The following PRKN variants were observed in gnomAD, a reference collection of about 807,000 sequenced individuals.
The protein encoded by PRKN is E3 ubiquitin-protein ligase parkin.
In PRKN, 56 loss-of-function variants were observed where a neutral mutation model predicts 59.5. The ratio of observed to expected loss-of-function variants is 0.94; its 90% CI spans 0.76 to 1.18. The LOEUF is 1.18. Ranked by LOEUF, PRKN falls within the 50% of genes most tolerant of loss-of-function variation. The pLI is 0.00. For missense variants in PRKN, 657 were observed against 596.4 expected (o/e 1.10, Z -1.06); for synonymous variants, 250 against 222.1 (o/e 1.13, Z -1.12).
intron 2 of PRKN, among the ~76,000 whole-genome samples, chr6:162,285,994 A>G (rs1781172147): frequency 6.6e-6 from 1 of 152,194 alleles, no homozygotes; most frequent in Non-Finnish European, 1.5e-5. Context: ...CTCACATCCT[A>G]TGGTTTCAAC....
chr6:162,304,828 T>C lies in PRKN; in HGVS notation c.172-42063A>G, dbSNP rs1000973372. Reference sequence around the variant, plus strand: ...CTCCACTCCAGCTGCTGCTGCCAGATGTGAGTGCCAGGGTAGTCAGATGTG... The same window carrying C: ...CTCCACTCCAGCTGCTGCTGCCAGACGTGAGTGCCAGGGTAGTCAGATGTG... On this transcript the variant is annotated intron_variant, in intron 2 of 11. Transcript: ENST00000366898. 2.0e-4 allele frequency among the ~76,000 whole-genome samples: 30 copies of C among 150,104 alleles called. 1 individual carries two copies. Among genetic ancestry groups the C allele is most frequent in the African/African-American group, 7.5e-4 (30 of 40,132 alleles).
intron 7 of PRKN, among the ~76,000 whole-genome samples, chr6:161,766,400 C>G (rs964170627): frequency 6.6e-6 from 1 of 151,558 alleles, no homozygotes; most frequent in African/African-American, 2.4e-5. Context: ...CTCCACCTCC[C>G]GGGTTCAAGT....
At chr6:161,485,829 A>G (rs1430599657) in intron 9 of PRKN, among the ~76,000 whole-genome samples, 1 of 151,868 alleles carries the variant, frequency 6.6e-6, no homozygotes, top group African/African-American at 2.4e-5. Context: ...TTATATTGAA[A>G]TTTCATGGAA....
intron 7 of PRKN, among the ~76,000 whole-genome samples, chr6:161,736,727 T>C (rs1331070203): frequency 6.6e-6 from 1 of 152,216 alleles, no homozygotes; most frequent in African/African-American, 2.4e-5. Context: ...ATGTAAGATA[T>C]ACAACTTTCT....
At chr6:161,883,466 G>A (rs1795016799) in intron 6 of PRKN, among the ~76,000 whole-genome samples, 1 of 140,198 alleles carries the variant, frequency 7.1e-6, no homozygotes, top group African/African-American at 2.6e-5. Context: ...CAGCCTGGGT[G>A]ACAGAGCAAG....
chr6:162,374,193 T>G (rs1785918440), intron 2 of PRKN, among the ~76,000 whole-genome samples: 1 of 152,194 alleles, frequency 6.6e-6, no homozygotes, highest in Non-Finnish European at 1.5e-5. Flanking sequence ...TAACCAAAAC[T>G]CTAGGCACTG....
At chr6:161,708,376 A>G (rs1350946125) in intron 7 of PRKN, among the ~76,000 whole-genome samples, 2 of 151,590 alleles carry the variant, frequency 1.3e-5, no homozygotes, top group Non-Finnish European at 2.9e-5. Flanking sequence ...TATTGTAAAT[A>G]TTACTACTCT....
intron 6 of PRKN, among the ~76,000 whole-genome samples, chr6:161,826,298 A>T (rs1035552678): frequency 6.6e-6 from 1 of 152,206 alleles, no homozygotes; most frequent in African/African-American, 2.4e-5. Context: ...AACAAAAGAA[A>T]ATTAAAAATA....
At chr6:162,184,642 T>C (rs1352531707) in intron 4 of PRKN, among the ~76,000 whole-genome samples, 1 of 152,156 alleles carries the variant, frequency 6.6e-6, no homozygotes, top group Non-Finnish European at 1.5e-5. Flanking sequence ...TGTGAGTCAG[T>C]CAAACCTGTT....
chr6:162,150,909 G>A (rs140332399), intron 4 of PRKN, among the ~76,000 whole-genome samples: 12 of 152,170 alleles, frequency 7.9e-5, no homozygotes, highest in East Asian at 3.9e-4. Flanking sequence ...ATTCATGGTC[G>A]TTGAATACTA....
intron 2 of PRKN, among the ~76,000 whole-genome samples, chr6:162,422,977 A>AT (rs397969833): frequency 2.1e-5 from 3 of 145,510 alleles, no homozygotes; most frequent in Non-Finnish European, 4.5e-5. Flanking sequence ...AAAAAAAAAA[A>AT]GCATCATAAG....
intron 6 of PRKN, among the ~76,000 whole-genome samples, chr6:161,888,601 C>T (rs565395606): frequency 5.3e-5 from 8 of 152,106 alleles, no homozygotes; most frequent in East Asian, 3.8e-4. Flanking sequence ...ACATTTTTTC[C>T]GGTTGATTTT....
chr6:162,436,255 G>C (rs73604292), intron 2 of PRKN, among the ~76,000 whole-genome samples: 17,185 of 138,902 alleles, frequency 0.12, 1,383 homozygotes, highest in African/African-American at 0.24. Context: ...ATTTAGTTCA[G>C]AAATGAAGCC....
intron 1 of PRKN, among the ~76,000 whole-genome samples, chr6:162,519,864 T>A (rs556950381): frequency 2.1e-4 from 32 of 152,358 alleles, no homozygotes; most frequent in African/African-American, 7.0e-4. Context: ...TAAAAACTAT[T>A]CATGATTTAG....
At chr6:161,970,932 C>A (rs142759225) in intron 6 of PRKN, among the ~76,000 whole-genome samples, 6 of 152,148 alleles carry the variant, frequency 3.9e-5, no homozygotes, top group East Asian at 1.9e-4. Flanking sequence ...CCAAACTGCA[C>A]GGAGTGTCCG....
chr6:162,620,575 T>C (rs542154510), intron 1 of PRKN, among the ~76,000 whole-genome samples: 2 of 152,322 alleles, frequency 1.3e-5, no homozygotes, highest in East Asian at 3.9e-4. Flanking sequence ...TTTCAGGCCT[T>C]CATGTATTAT....
chr6:162,121,095 G>A (rs921057848), intron 4 of PRKN, among the ~76,000 whole-genome samples: 3 of 152,100 alleles, frequency 2.0e-5, no homozygotes, highest in African/African-American at 7.2e-5. Context: ...CTTTTGCTTG[G>A]TCGGGTCCAC....
intron 6 of PRKN, among the ~76,000 whole-genome samples, chr6:161,948,280 C>A (rs1394897951): frequency 1.2e-4 from 18 of 152,176 alleles, no homozygotes; most frequent in Non-Finnish European, 2.6e-4. Context: ...AGCCACCGCG[C>A]CCGGTTGAGA....
At chr6:161,822,832 T>A (rs902498872) in intron 6 of PRKN, among the ~76,000 whole-genome samples, 3 of 152,254 alleles carry the variant, frequency 2.0e-5, no homozygotes, top group Non-Finnish European at 2.9e-5. Context: ...AACCCTTTTA[T>A]CATAAATTTT....
Sources: allele counts gnomAD v4.1 joint callset (sites outside exome capture counted in the v4.1 genomes callset), GRCh38; gene constraint gnomAD v4.1.1; transcripts MANE v1.5; gene names NCBI Gene and HGNC (gene_info 2026-07-23, HGNC 2026-07-21).